PLAA: variants seen among roughly 807,000 people sequenced by gnomAD.
PLAA encodes the protein phospholipase A-2-activating protein.
Under a neutral mutation model 84.1 loss-of-function variants are expected in PLAA, and 48 were observed. That is an observed-to-expected ratio of 0.57 (90% CI 0.45 to 0.73). PLAA has a LOEUF of 0.73. Ranked by LOEUF, PLAA falls within the 30% of genes least tolerant of loss-of-function variation. The probability of loss-of-function intolerance (pLI) is 0.00; values close to 1 mark genes in which losing one functional copy is unlikely to be tolerated. For missense variants in PLAA, 903 were observed against 954.7 expected, an observed-to-expected ratio of 0.95 and a Z score of 0.71; for synonymous variants, 392 against 336.6, an observed-to-expected ratio of 1.16 and a Z score of -1.80.
intron 1 of PLAA, among the ~76,000 whole-genome samples, chr9:26,938,105 C>A (rs1825417004): frequency 6.6e-6 from 1 of 152,110 alleles, no homozygotes; most frequent in Non-Finnish European, 1.5e-5. Flanking sequence ...ACATTATATT[C>A]AAACTTAAGA....
intron 7 of PLAA, among the ~76,000 whole-genome samples, chr9:26,921,099 C>T (rs114098896): frequency 9.4e-4 from 143 of 152,202 alleles, no homozygotes; most frequent in African/African-American, 3.3e-3. Context: ...CCTACATGAC[C>T]TTACTTTCTA....
rs1005506956 is a variant in PLAA at position 26,946,904 on chromosome 9, G to C, written c.142C>G (p.Pro48Ala). ...CCGACTCCCAGCGCTCACCTGTCTGGGGCCCAGAGGCGGGTGGTGCGGTCT... is the reference window on the plus strand; with the variant it reads ...CCGACTCCCAGCGCTCACCTGTCTGCGGCCCAGAGGCGGGTGGTGCGGTCT... ...SRDRTTRLWA[P>A]DSPNRSFTEM... The change falls in exon 1 of 14, where the codon CCA (proline) becomes GCA (alanine). Residue 48 changes from proline to alanine, a missense_variant. Physicochemically the swap from Pro to Ala is conservative, Grantham distance 27 (BLOSUM62 -1). Coordinates refer to ENST00000397292, the MANE Select transcript of PLAA (RefSeq NM_001031689.3). 8 of 1,581,528 alleles carry C rather than the reference G, an allele frequency of 5.1e-6. No individual in the cohort carries two copies. The highest frequency in any genetic ancestry group is 6.9e-6 in the Non-Finnish European group (8 of 1,164,590).
intron 10 of PLAA, 59 bp downstream of exon 10, chr9:26,917,038 T>C: frequency 2.2e-6 from 3 of 1,361,754 alleles, no homozygotes; most frequent in Non-Finnish European, 3.1e-6. Context: ...TAAAGCCATG[T>C]GATGCAAGAT....
intron 6 of PLAA, among the ~76,000 whole-genome samples, chr9:26,925,527 C>T (rs544438837): frequency 1.6e-4 from 25 of 152,332 alleles, no homozygotes; most frequent in Admixed American, 1.0e-3. Context: ...AGAAAGTTTT[C>T]CCACACCAAT....
rs771840915 is a variant in PLAA at position 26,946,905 on chromosome 9, G to A, written c.141C>T (p.Ala47=). 1 of 1,581,988 alleles carries A rather than the reference G, an allele frequency of 6.3e-7. No individual in the cohort carries two copies. The highest frequency in any genetic ancestry group is 1.2e-5 in the South Asian group (1 of 86,232). The change falls in exon 1 of 14, where the codon GCC becomes GCT. Residue 47 remains alanine, a synonymous_variant. Coordinates refer to ENST00000397292, the MANE Select transcript of PLAA (RefSeq NM_001031689.3). The part of the protein sequence containing the change: ...VSRDRTTRLW[A]PDSPNRSFTE... Reference sequence around the variant, plus strand: ...CGACTCCCAGCGCTCACCTGTCTGGGGCCCAGAGGCGGGTGGTGCGGTCTC... The same window carrying A: ...CGACTCCCAGCGCTCACCTGTCTGGAGCCCAGAGGCGGGTGGTGCGGTCTC...
chr9:26,906,679 T>G (rs1824247455), intron 13 of PLAA, among the ~76,000 whole-genome samples: 1 of 152,064 alleles, frequency 6.6e-6, no homozygotes, highest in Non-Finnish European at 1.5e-5. Flanking sequence ...CTACCCAAGT[T>G]GGTCTCCCAA....
chr9:26,933,603 A>G (rs1269461119), intron 2 of PLAA, among the ~76,000 whole-genome samples: 1 of 151,852 alleles, frequency 6.6e-6, no homozygotes, highest in Non-Finnish European at 1.5e-5. Flanking sequence ...CCTGGCTAAC[A>G]TGGTAAAACC....
At chr9:26,928,066 A>G (rs1466635372) in intron 4 of PLAA, 34 bp downstream of exon 4, 1 of 1,571,634 alleles carries the variant, frequency 6.4e-7, no homozygotes, top group Admixed American at 2.1e-5. Flanking sequence ...ATAAAAAGCA[A>G]TGATATTATA....
At position 26,905,953 on chromosome 9, in the gene PLAA, G is replaced by C. The variant is rs769911280; in HGVS notation, c.1946C>G (p.Pro649Arg). The C allele has an allele frequency of 8.1e-6, 13 of 1,614,042 alleles. No individual in the cohort carries two copies. Among genetic ancestry groups the C allele is most frequent in the Non-Finnish European group, 1.1e-5 (13 of 1,180,002 alleles). ...FSSHLINLLNPKGKPANQLLA... is the reference protein window; with the variant it reads ...FSSHLINLLNRKGKPANQLLA... ...CAGCTGGTTTGCTGGCTTTCCTTTA[G>C]GGTTCAGAAGATTGATAAGATGACT... The change falls in exon 14 of 14, where the codon CCT (proline) becomes CGT (arginine). Residue 649 changes from proline (P) to arginine (R), a missense_variant. Transcript: ENST00000397292.
At chr9:26,906,165 C>T in intron 13 of PLAA, 89 bp from the exon 14 acceptor site, 1 of 715,822 alleles carries the variant, frequency 1.4e-6, no homozygotes, top group Non-Finnish European at 2.0e-6. Context: ...TTTCCCACTG[C>T]AAAACTAACC....
chr9:26,913,821 A>T, intron 11 of PLAA, 58 bp downstream of exon 11: 1 of 1,250,544 alleles, frequency 8.0e-7, no homozygotes. Flanking sequence ...TCTTTTTATT[A>T]AAGTTCCAAC....
chr9:26,941,741 G>T (rs1414518561), intron 1 of PLAA, among the ~76,000 whole-genome samples: 2 of 149,208 alleles, frequency 1.3e-5, no homozygotes, highest in Admixed American at 6.7e-5. Flanking sequence ...AAGGCAACCT[G>T]CTAGAGATTA....
chr9:26,928,569 A>G (rs1226887025), intron 2 of PLAA, among the ~76,000 whole-genome samples, 161 bp from the exon 3 acceptor site: 1 of 152,268 alleles, frequency 6.6e-6, no homozygotes, highest in Admixed American at 6.5e-5. Context: ...ACAGTGGTCA[A>G]GAGCAGACTC....
intron 9 of PLAA, among the ~76,000 whole-genome samples, chr9:26,918,004 C>T (rs1824619745): frequency 6.6e-6 from 1 of 152,192 alleles, no homozygotes; most frequent in Admixed American, 6.5e-5. Context: ...GAAATTCCAA[C>T]AACAAAAATA....
intron 6 of PLAA, among the ~76,000 whole-genome samples, chr9:26,924,276 G>A (rs1824870469): frequency 1.3e-5 from 2 of 152,062 alleles, no homozygotes; most frequent in Admixed American, 1.3e-4. Flanking sequence ...GACTACAAAT[G>A]CATGCCACCA....
intron 9 of PLAA, 45 bp from the exon 10 acceptor site, chr9:26,917,210 T>A: frequency 6.5e-7 from 1 of 1,527,874 alleles, no homozygotes; most frequent in Non-Finnish European, 9.1e-7. Context: ...ACCAAAGTTC[T>A]GAATTTTTCA....
intron 1 of PLAA, among the ~76,000 whole-genome samples, chr9:26,942,605 G>C (rs1026255852): frequency 6.9e-6 from 1 of 144,320 alleles, no homozygotes; most frequent in African/African-American, 2.5e-5. Context: ...CACGGAGGCC[G>C]GGCATGGTGG....
chr9:26,937,516 A>G (rs1825399015), intron 1 of PLAA, among the ~76,000 whole-genome samples: 1 of 152,158 alleles, frequency 6.6e-6, no homozygotes, highest in African/African-American at 2.4e-5. Context: ...ATAAACAGAA[A>G]AGTATGGCCC....
At chr9:26,906,585 G>A (rs1029449648) in intron 13 of PLAA, among the ~76,000 whole-genome samples, 4 of 151,864 alleles carry the variant, frequency 2.6e-5, no homozygotes, top group Non-Finnish European at 5.9e-5. Context: ...ACGTCACCAC[G>A]CCCAGCTAAT....
Sources: gnomAD v4.1 joint callset for allele counts (sites outside exome capture counted in the v4.1 genomes callset) on GRCh38, gnomAD v4.1.1 for gene constraint, MANE v1.5 for transcripts, NCBI Gene and HGNC (gene_info 2026-07-23, HGNC 2026-07-21) for gene names.